FHIT: variants seen among roughly 807,000 people sequenced by gnomAD.
The protein encoded by FHIT is fragile histidine triad diadenosine triphosphatase, also known as bis(5'-adenosyl)-triphosphatase.
A neutral mutation model predicts 17.9 loss-of-function variants in FHIT; 19 were observed. The observed-to-expected ratio is 1.06, with a 90% CI of 0.74 to 1.56. The LOEUF (loss-of-function observed/expected upper bound fraction) is 1.56, where lower values mean the gene tolerates loss of function less well. Among genes scored for constraint, FHIT ranks in the 40% most tolerant of loss-of-function variants. The pLI is 0.00. For missense variants in FHIT, 248 were observed against 189.2 expected (o/e 1.31, Z -1.82); for synonymous variants, 81 against 69.7 (o/e 1.16, Z -0.81).
intron 5 of FHIT, among the ~76,000 whole-genome samples, chr3:60,148,894 C>G (rs1018252396): frequency 2.0e-5 from 3 of 152,080 alleles, no homozygotes; most frequent in Non-Finnish European, 4.4e-5. Context: ...AAACGTGACC[C>G]TAATTTTCAC....
At chr3:60,248,776 A>G (rs1011759973) in intron 5 of FHIT, among the ~76,000 whole-genome samples, 3 of 152,090 alleles carry the variant, frequency 2.0e-5, no homozygotes, top group African/African-American at 4.8e-5. Flanking sequence ...GGCACTTAAA[A>G]AACAGCAGGT....
intron 3 of FHIT, among the ~76,000 whole-genome samples, chr3:60,970,822 C>T (rs1298339697): frequency 1.3e-5 from 2 of 151,928 alleles, no homozygotes; most frequent in South Asian, 2.1e-4. Context: ...GGATAATTCC[C>T]AACATATACA....
chr3:60,229,261 A>T (rs1420012002), intron 5 of FHIT, among the ~76,000 whole-genome samples: 9 of 152,140 alleles, frequency 5.9e-5, no homozygotes, highest in African/African-American at 2.2e-4. Flanking sequence ...TACCAAAAGT[A>T]CAAAAATTAG....
chr3:60,031,090 A>G (rs1212824476), intron 5 of FHIT, among the ~76,000 whole-genome samples: 2 of 152,208 alleles, frequency 1.3e-5, no homozygotes, highest in Non-Finnish European at 2.9e-5. Context: ...AGCATGTGTG[A>G]AAACAGCTTG....
intron 5 of FHIT, among the ~76,000 whole-genome samples, chr3:60,314,713 A>G (rs1007965092): frequency 3.9e-5 from 6 of 152,270 alleles, no homozygotes; most frequent in African/African-American, 1.2e-4. Context: ...AATCTTTAAC[A>G]TTCCTTCCAT....
rs574209231 is a variant in FHIT, at chr3:61,225,971, G to A, written c.-212-25306C>T. Among the ~76,000 whole-genome samples, 3 of 152,210 alleles carry A rather than the reference G, an allele frequency of 2.0e-5. No homozygotes were observed. The East Asian group carries it at 5.8e-4, about 29-fold the overall frequency. On this transcript the variant is annotated intron_variant, in intron 1 of 9. Coordinates refer to ENST00000492590, the MANE Select transcript of FHIT (RefSeq NM_002012.4). Reference sequence around the variant, plus strand: ...CAAGCTTATAAAATATTAACTATAAGAGCAGTCAAGTGTTATTTATTTCTT... The same window carrying A: ...CAAGCTTATAAAATATTAACTATAAAAGCAGTCAAGTGTTATTTATTTCTT...
chr3:60,010,004 C>T (rs1167263687), intron 7 of FHIT, among the ~76,000 whole-genome samples: 1 of 152,166 alleles, frequency 6.6e-6, no homozygotes, highest in African/African-American at 2.4e-5. Context: ...TGTGCATTCC[C>T]CCATGTCACT....
chr3:60,916,775 G>C (rs1170610167), intron 3 of FHIT, among the ~76,000 whole-genome samples: 1 of 152,118 alleles, frequency 6.6e-6, no homozygotes. Flanking sequence ...ATATCAATAA[G>C]CAGTTTCAAT....
chr3:60,957,959 T>C (rs2107485240), intron 3 of FHIT, among the ~76,000 whole-genome samples: 1 of 152,380 alleles, frequency 6.6e-6, no homozygotes, highest in Non-Finnish European at 1.5e-5. Flanking sequence ...AAAAATTTTA[T>C]TTTTTAATTT....
intron 8 of FHIT, among the ~76,000 whole-genome samples, chr3:59,825,316 T>A (rs1700938284): frequency 6.6e-6 from 1 of 152,248 alleles, no homozygotes; most frequent in African/African-American, 2.4e-5. Flanking sequence ...TGCTTTTTTA[T>A]GGATGTTTCT....
chr3:60,396,935 T>G (rs1701466282), intron 5 of FHIT, among the ~76,000 whole-genome samples: 1 of 152,174 alleles, frequency 6.6e-6, no homozygotes, highest in Non-Finnish European at 1.5e-5. Context: ...TCCTCATATC[T>G]AAGTTTAATT....
intron 5 of FHIT, among the ~76,000 whole-genome samples, chr3:60,490,226 G>A (rs1209212507): frequency 6.6e-6 from 1 of 151,534 alleles, no homozygotes; most frequent in Non-Finnish European, 1.5e-5. Context: ...CCAAGACAAG[G>A]GTGATCATCT....
chr3:60,841,592 T>A (rs1702725675), intron 3 of FHIT, among the ~76,000 whole-genome samples: 1 of 152,336 alleles, frequency 6.6e-6, no homozygotes, highest in South Asian at 2.1e-4. Context: ...GATATTTATT[T>A]TACTGTCAGA....
At chr3:60,150,513 G>A (rs925010916) in intron 5 of FHIT, among the ~76,000 whole-genome samples, 2 of 152,212 alleles carry the variant, frequency 1.3e-5, no homozygotes, top group South Asian at 2.1e-4. Context: ...TTGAAACAGA[G>A]GCTCACTATG....
At chr3:60,608,478 A>G (rs59211377) in intron 4 of FHIT, among the ~76,000 whole-genome samples, 7,119 of 152,224 alleles carry the variant, frequency 0.047, 542 homozygotes, top group African/African-American at 0.16. Context: ...ATAAGTGTTC[A>G]CCAGAGGTTC....
intron 5 of FHIT, among the ~76,000 whole-genome samples, chr3:60,461,426 T>C (rs1000744755): frequency 2.8e-5 from 4 of 145,052 alleles, no homozygotes; most frequent in African/African-American, 1.1e-4. Flanking sequence ...GTCAGCTAAA[T>C]AAAATTAAGC....
At chr3:61,219,116 A>T (rs1214318238) in intron 1 of FHIT, among the ~76,000 whole-genome samples, 1 of 152,220 alleles carries the variant, frequency 6.6e-6, no homozygotes, top group Non-Finnish European at 1.5e-5. Flanking sequence ...GTAAGTAATT[A>T]TAACACGATG....
At chr3:60,778,070 G>A (rs1553724896) in intron 4 of FHIT, among the ~76,000 whole-genome samples, 1 of 152,100 alleles carries the variant, frequency 6.6e-6, no homozygotes, top group African/African-American at 2.4e-5. Context: ...TAGGTACATG[G>A]GATTGCCAAA....
At chr3:60,526,802 C>T (rs11715317) in intron 5 of FHIT, among the ~76,000 whole-genome samples, 4 of 152,172 alleles carry the variant, frequency 2.6e-5, no homozygotes, top group East Asian at 3.9e-4. Context: ...CCTACAGCTT[C>T]GTAGCATCAA....
Sources: allele counts gnomAD v4.1 joint callset (sites outside exome capture counted in the v4.1 genomes callset), GRCh38; gene constraint gnomAD v4.1.1; transcripts MANE v1.5; gene names NCBI Gene and HGNC (gene_info 2026-07-23, HGNC 2026-07-21).